The following PCCA variants were observed in gnomAD, a reference collection of about 807,000 sequenced individuals.
PCCA encodes the protein propionyl-CoA carboxylase alpha chain, mitochondrial.
In PCCA, 74 loss-of-function variants were observed where a neutral mutation model predicts 101.3. That is an observed-to-expected ratio of 0.73 (90% CI 0.61 to 0.89). The LOEUF is 0.89. Ranked by LOEUF, PCCA falls within the 40% of genes least tolerant of loss-of-function variation. The pLI, the probability that PCCA is intolerant of heterozygous loss-of-function variation, is 0.00. For missense variants in PCCA, 891 were observed against 907.0 expected (o/e 0.98, Z 0.23); for synonymous variants, 294 against 313.6 (o/e 0.94, Z 0.66).
At position 100,436,773 on chromosome 13, in the gene PCCA, G is replaced by A. The variant is rs1000132231; in HGVS notation, c.1845+11042G>A. On this transcript the variant is annotated intron_variant, in intron 20 of 23. Coordinates refer to ENST00000376285, the MANE Select transcript of PCCA (RefSeq NM_000282.4). ...TAAATGCTCAATAATTGGATGAATA[G>A]GTGTGGGTGGGTGAATGGGTAAGTG... is the stretch of plus-strand genomic sequence containing the variant. Among the ~76,000 whole-genome samples, 6 of 152,290 alleles carry A rather than the reference G, an allele frequency of 3.9e-5. No individual in the cohort carries two copies. In the East Asian group the frequency reaches 1.2e-3, roughly 29 times the overall value.
chr13:100,342,738 A>C (rs2071571028), intron 18 of PCCA, among the ~76,000 whole-genome samples: 1 of 147,222 alleles, frequency 6.8e-6, no homozygotes, highest in Non-Finnish European at 1.5e-5. Flanking sequence ...TTCTTTTTAG[A>C]GAGATGAAGT....
intron 4 of PCCA, among the ~76,000 whole-genome samples, chr13:100,131,037 G>A (rs540203819): frequency 5.0e-4 from 76 of 152,102 alleles, no homozygotes; most frequent in African/African-American, 1.8e-3. Context: ...TGAGATCTGT[G>A]GAGGAAAAAA....
At chr13:100,310,703 C>T (rs1365886754) in intron 16 of PCCA, among the ~76,000 whole-genome samples, 1 of 152,268 alleles carries the variant, frequency 6.6e-6, no homozygotes. Context: ...AATTTGCTTA[C>T]TCTATATATG....
At chr13:100,336,029 G>T (rs892858418) in intron 17 of PCCA, among the ~76,000 whole-genome samples, 1 of 152,162 alleles carries the variant, frequency 6.6e-6, no homozygotes, top group South Asian at 2.1e-4. Flanking sequence ...CTGGGAGGCC[G>T]AGTGGGGCGG....
chr13:100,501,999 G>T (rs2085720703), intron 21 of PCCA, among the ~76,000 whole-genome samples: 1 of 152,174 alleles, frequency 6.6e-6, no homozygotes, highest in Non-Finnish European at 1.5e-5. Flanking sequence ...TGGTGATTGA[G>T]AACTGCTGCT....
At chr13:100,422,671 A>G (rs1034785100) in intron 19 of PCCA, among the ~76,000 whole-genome samples, 2 of 151,934 alleles carry the variant, frequency 1.3e-5, no homozygotes, top group South Asian at 2.1e-4. Flanking sequence ...ATTTCATTTT[A>G]TATGATTTCT....
intron 20 of PCCA, among the ~76,000 whole-genome samples, chr13:100,428,351 C>T (rs1595870022): frequency 1.4e-5 from 2 of 141,886 alleles, no homozygotes; most frequent in Middle Eastern, 7.4e-3. Flanking sequence ...CCCCCACCCC[C>T]ACCCCCCCCA....
intron 21 of PCCA, among the ~76,000 whole-genome samples, chr13:100,472,823 T>C (rs1345255693): frequency 6.6e-6 from 1 of 151,828 alleles, no homozygotes; most frequent in Non-Finnish European, 1.5e-5. Flanking sequence ...GGAGAGGCAG[T>C]GTCTTTCTGG....
rs1259249188 is a variant in PCCA at position 100,480,223 on chromosome 13, C to T, written c.1899+30918C>T. 4 of 152,250 alleles carry T rather than the reference C, an allele frequency of 2.6e-5. No individual in the cohort carries two copies. The South Asian group carries it at 8.3e-4, about 32-fold the overall frequency. 9.4% of individuals were successfully genotyped at this position (152,250 alleles called of 1,614,324 possible). On this transcript the variant is annotated intron_variant, in intron 21 of 23. Coordinates refer to ENST00000376285, the MANE Select transcript of PCCA (RefSeq NM_000282.4). ...CTCTTTGCAAAGCTCCATATTACTA[C>T]CAAAAATTAACCCAACTAAATTGTA...
At chr13:100,418,519 C>G (rs775788706) in intron 19 of PCCA, among the ~76,000 whole-genome samples, 1 of 152,134 alleles carries the variant, frequency 6.6e-6, no homozygotes, top group African/African-American at 2.4e-5. Context: ...TTTATTTCCT[C>G]TAATTCATTG....
chr13:100,495,885 A>G (rs1257644153), intron 21 of PCCA, among the ~76,000 whole-genome samples: 1 of 152,260 alleles, frequency 6.6e-6, no homozygotes, highest in African/African-American at 2.4e-5. Context: ...AAACAATAAT[A>G]CAAAGAATGT....
intron 19 of PCCA, among the ~76,000 whole-genome samples, chr13:100,384,668 T>C (rs188479788): frequency 2.0e-5 from 3 of 152,188 alleles, no homozygotes; most frequent in Non-Finnish European, 4.4e-5. Context: ...TGTATTCTTT[T>C]GCCTCTATTG....
intron 18 of PCCA, among the ~76,000 whole-genome samples, chr13:100,347,006 T>C (rs915171359): frequency 4.6e-5 from 7 of 152,144 alleles, no homozygotes; most frequent in African/African-American, 1.7e-4. Flanking sequence ...CCCAAGTAGC[T>C]GGGACTACAG....
intron 19 of PCCA, among the ~76,000 whole-genome samples, chr13:100,385,607 C>T (rs946421178): frequency 3.3e-5 from 5 of 152,014 alleles, no homozygotes; most frequent in Non-Finnish European, 7.4e-5. Context: ...GTGTTAATTC[C>T]GTTTTGTTTT....
chr13:100,140,831 G>A (rs1391039906), intron 4 of PCCA, among the ~76,000 whole-genome samples: 1 of 152,116 alleles, frequency 6.6e-6, no homozygotes, highest in Non-Finnish European at 1.5e-5. Flanking sequence ...AATGTGGGAA[G>A]GAATTAGCAG....
At chr13:100,347,167 G>A (rs987774495) in intron 18 of PCCA, among the ~76,000 whole-genome samples, 4 of 152,134 alleles carry the variant, frequency 2.6e-5, no homozygotes, top group African/African-American at 7.2e-5. Flanking sequence ...TAGCCACCAC[G>A]CCAGCCTAAA....
At chr13:100,117,318 A>G (rs2048883867) in intron 4 of PCCA, among the ~76,000 whole-genome samples, 1 of 152,174 alleles carries the variant, frequency 6.6e-6, no homozygotes. Context: ...GTATCAGTTT[A>G]CTGTTATATA....
intron 19 of PCCA, among the ~76,000 whole-genome samples, chr13:100,410,218 AT>A: frequency 6.6e-6 from 1 of 151,886 alleles, no homozygotes; most frequent in East Asian, 1.9e-4. Flanking sequence ...TGCCAGGGAA[AT>A]TTTTTTTGTT....
rs560225001 is a variant in PCCA, at chr13:100,152,515, C to T, written c.301-2464C>T. 5.8e-4 allele frequency among the ~76,000 whole-genome samples: 88 copies of T among 152,104 alleles called. No homozygotes were observed. The Middle Eastern group carries it at 0.01, about 18-fold the overall frequency. Reference sequence around the variant, plus strand: ...AGGCTGGAGTGCAGTGGCGCAATCTCGGCTCACTGCAAGCTCCGCCTCCCG... The same window carrying T: ...AGGCTGGAGTGCAGTGGCGCAATCTTGGCTCACTGCAAGCTCCGCCTCCCG... On this transcript the variant is annotated intron_variant, in intron 4 of 23. Transcript: ENST00000376285.
Sources: gnomAD v4.1 joint callset for allele counts (sites outside exome capture counted in the v4.1 genomes callset) on GRCh38, gnomAD v4.1.1 for gene constraint, MANE v1.5 for transcripts, NCBI Gene and HGNC (gene_info 2026-07-23, HGNC 2026-07-21) for gene names.